Variants in ADSS2 observed in about 807,000 individuals in gnomAD.
The protein encoded by ADSS2 is adenylosuccinate synthetase isozyme 2.
A neutral mutation model predicts 60.0 loss-of-function variants in ADSS2; 30 were observed. That is an observed-to-expected ratio of 0.50 (90% confidence interval 0.37 to 0.68). The LOEUF is 0.68. Ranked by LOEUF, ADSS2 falls within the 30% of genes least tolerant of loss-of-function variation. The pLI, the probability that ADSS2 is intolerant of heterozygous loss-of-function variation, is 0.00. For synonymous variants in ADSS2, 187 were observed against 193.1 expected (o/e 0.97, Z 0.26); for missense variants, 373 against 554.8 (o/e 0.67, Z 3.29).
At chr1:244,431,786 T>C (rs1423739354) in intron 4 of ADSS2, among the ~76,000 whole-genome samples, 1 of 152,212 alleles carries the variant, frequency 6.6e-6, no homozygotes, top group Non-Finnish European at 1.5e-5. Context: ...TTACTAAGAT[T>C]ATACATAGGA....
intron 3 of ADSS2, among the ~76,000 whole-genome samples, chr1:244,435,261 T>G (rs1276712543): frequency 7.0e-6 from 1 of 143,728 alleles, no homozygotes; most frequent in South Asian, 2.3e-4. Context: ...AAGGGGAAAC[T>G]AACTATACTA....
chr1:244,421,959 G>A (rs150055969), intron 7 of ADSS2, among the ~76,000 whole-genome samples: 1 of 152,300 alleles, frequency 6.6e-6, no homozygotes, highest in African/African-American at 2.4e-5. Flanking sequence ...GAGTGACAAA[G>A]CGAGACCCTG....
rs370510069 is a variant in ADSS2, at chr1:244,440,756, G to T, written c.184-2988C>A. The stretch of plus-strand genomic sequence containing the variant: ...TACTGTTTTATTTTACATATACAAT[G>T]GTAGCAAACTATATACATGTGGGCA... On this transcript the variant is annotated intron_variant, in intron 1 of 12. Transcript: ENST00000366535. 2.0e-4 allele frequency among the ~76,000 whole-genome samples: 31 copies of T among 152,098 alleles called. 1 individual carries two copies. The highest frequency in any genetic ancestry group is 7.5e-4 in the African/African-American group (31 of 41,484).
intron 8 of ADSS2, chr1:244,419,140 T>C (rs1664616274): frequency 4.9e-6 from 2 of 405,682 alleles, no homozygotes; most frequent in Non-Finnish European, 8.7e-6. Context: ...GAGAGGCTCC[T>C]TGAATGCATG....
rs1310202283 is a variant in ADSS2 at position 244,418,805 on chromosome 1, A to G, written c.900T>C (p.Tyr300=). 6.2e-7 allele frequency: 1 copy of G among 1,614,030 alleles called. No homozygotes were observed. Among genetic ancestry groups the G allele is most frequent in the Admixed American group, 1.7e-5 (1 of 60,010 alleles). Residue 300 remains tyrosine (Y), a synonymous_variant, in exon 9 of 13, where the codon TAT becomes TAC. Transcript: ENST00000366535. The part of the protein sequence containing the change: ...VGEVYGVVKA[Y]TTRVGIGAFP... ...AGGCACCAATACCAACTCTAGTTGTATAAGCTTTCACAACTCCATACACTT... is the reference window on the plus strand; with the variant it reads ...AGGCACCAATACCAACTCTAGTTGTGTAAGCTTTCACAACTCCATACACTT...
Position 244,420,233 on chromosome 1 carries a change from G to T in ADSS2, c.727C>A (p.His243Asn). The T allele has an allele frequency of 6.2e-7, 1 of 1,613,644 alleles. No homozygotes were observed. The highest frequency in any genetic ancestry group is 1.1e-5 in the South Asian group (1 of 91,076). The change falls in exon 8 of 13, where the codon CAT (histidine) becomes AAT (asparagine). Residue 243 changes from histidine to asparagine, a missense_variant. Physicochemically the swap from His to Asn is moderately conservative, Grantham distance 68. Coordinates refer to ENST00000366535, the MANE Select transcript of ADSS2 (RefSeq NM_001126.5). ...ACCAAGATTTTCTTTGGTGGTCCATGTAGGGCCTCATATAGAAAATAAACT... is the reference window on the plus strand; with the variant it reads ...ACCAAGATTTTCTTTGGTGGTCCATTTAGGGCCTCATATAGAAAATAAACT... ...DGVYFLYEALHGPPKKILVEG... is the reference protein window; with the variant it reads ...DGVYFLYEALNGPPKKILVEG...
chr1:244,432,662 T>TTTTC, intron 3 of ADSS2, 67 bp from the exon 4 acceptor site: 2 of 427,850 alleles, frequency 4.7e-6, no homozygotes, highest in Admixed American at 4.3e-5. Flanking sequence ...CTTAATTTCT[T>TTTTC]TTTTTTTTTT....
chr1:244,424,163 T>C, intron 5 of ADSS2, 103 bp from the exon 6 acceptor site: 2 of 1,202,360 alleles, frequency 1.7e-6, no homozygotes, highest in South Asian at 1.5e-5. Context: ...ATTTTCTGTT[T>C]ATGTTATTTC....
chr1:244,409,404 C>T lies in ADSS2; in HGVS notation c.*182G>A. On this transcript the variant is annotated 3_prime_UTR_variant, in exon 13 of 13. Coordinates refer to ENST00000366535, the MANE Select transcript of ADSS2 (RefSeq NM_001126.5). ...GGCAATTCCAGCTAAAGAAAGCTGA[C>T]ACTGGAATATGCCAAAGTTAATCTC... The T allele has an allele frequency of 2.2e-6, 1 of 459,424 alleles. No individual in the cohort carries two copies. The allele number at this position is 459,424 out of a possible 1,614,324, so 28.5% of individuals were successfully genotyped here.
intron 8 of ADSS2, 172 bp from the exon 9 acceptor site, chr1:244,419,086 T>C: frequency 1.5e-6 from 1 of 656,754 alleles, no homozygotes. Flanking sequence ...TTAGCTGTAA[T>C]GACATAAAAA....
At chr1:244,416,827 A>G (rs1664544894) in intron 10 of ADSS2, among the ~76,000 whole-genome samples, 1 of 152,150 alleles carries the variant, frequency 6.6e-6, no homozygotes, top group Non-Finnish European at 1.5e-5. Flanking sequence ...GAAATTGTCA[A>G]AGAGTGAGAA....
intron 1 of ADSS2, among the ~76,000 whole-genome samples, chr1:244,445,313 C>A (rs1011463683): frequency 6.6e-6 from 1 of 152,172 alleles, no homozygotes; most frequent in Admixed American, 6.5e-5. Flanking sequence ...GAATTTACAT[C>A]TTGTACTAGT....
In ADSS2 at chr1:244,409,560, A is replaced by C; in HGVS notation, c.*26T>G. Reference sequence around the variant, plus strand: ...AAGTCTTTTCCCCTCCCTCTCAAGGAGTGTTTCTTGCATTACTGGCAATCA... The same window carrying C: ...AAGTCTTTTCCCCTCCCTCTCAAGGCGTGTTTCTTGCATTACTGGCAATCA... On this transcript the variant is annotated 3_prime_UTR_variant, in exon 13 of 13. Transcript: ENST00000366535. 6.4e-7 allele frequency: 1 copy of C among 1,567,864 alleles called. No homozygotes were observed. The highest frequency in any genetic ancestry group is 8.8e-7 in the Non-Finnish European group (1 of 1,139,766).
intron 12 of ADSS2, among the ~76,000 whole-genome samples, chr1:244,410,373 G>C (rs372937265): frequency 2.0e-5 from 3 of 152,030 alleles, no homozygotes; most frequent in Non-Finnish European, 4.4e-5. Context: ...CCAACAAAAC[G>C]ATACAAGGAA....
At position 244,416,047 on chromosome 1, in the gene ADSS2, T is replaced by G; in HGVS notation, c.1102A>C (p.Met368Leu). ...LALTKLDILD[M>L]FTEIKVGVAY... ...ACTCCAACTTTGATTTCCGTAAACA[T>G]GTCCAAAATATCCAACTTGGTAAGT... The change falls in exon 11 of 13, where the codon ATG becomes CTG. Residue 368 changes from methionine (M) to leucine (L), a missense_variant. Transcript: ENST00000366535. 6.2e-7 allele frequency: 1 copy of G among 1,613,806 alleles called. No homozygotes were observed. The highest frequency in any genetic ancestry group is 8.5e-7 in the Non-Finnish European group (1 of 1,179,910).
At chr1:244,421,037 ACGAGTTACACTGCCAG>A (rs1664664488) in intron 7 of ADSS2, among the ~76,000 whole-genome samples, 1 of 5,272 alleles carries the variant, frequency 1.9e-4, no homozygotes, top group Non-Finnish European at 4.5e-4. Flanking sequence ...GGTGAGGGCC[ACGAGTTACACTGCCAG>A]GGCCACGAGT....
chr1:244,437,574 G>A (rs1474162995), intron 2 of ADSS2, 92 bp downstream of exon 2: 1 of 889,162 alleles, frequency 1.1e-6, no homozygotes. Flanking sequence ...CATCTGGTCA[G>A]TGAGAGATGA....
intron 11 of ADSS2, among the ~76,000 whole-genome samples, chr1:244,411,830 C>CTGCATACCT (rs1664425047): frequency 6.6e-6 from 1 of 152,200 alleles, no homozygotes; most frequent in Non-Finnish European, 1.5e-5. Context: ...GAAAGAAGGC[C>CTGCATACCT]TGCATACCTG....
rs1362314872 is a variant in ADSS2 at position 244,408,721 on chromosome 1, T to C, written c.*865A>G. ...TCATTTTGACACTTACAGATGATTC[T>C]GTAGGCATATCGGCAGGCACGATGT... is the stretch of plus-strand genomic sequence containing the variant. On this transcript the variant is annotated 3_prime_UTR_variant, in exon 13 of 13. Coordinates refer to ENST00000366535, the MANE Select transcript of ADSS2 (RefSeq NM_001126.5). 1 of 152,518 alleles carries C rather than the reference T, an allele frequency of 6.6e-6. No homozygotes were observed. The highest frequency in any genetic ancestry group is 1.5e-5 in the Non-Finnish European group (1 of 68,018). 9.4% of individuals were successfully genotyped at this position (152,518 alleles called of 1,614,324 possible).
Sources: gnomAD v4.1 joint callset for allele counts (sites outside exome capture counted in the v4.1 genomes callset) on GRCh38, gnomAD v4.1.1 for gene constraint, MANE v1.5 for transcripts, NCBI Gene and HGNC (gene_info 2026-07-23, HGNC 2026-07-21) for gene names.